The following SEMA6B variants were observed in gnomAD, a reference collection of about 807,000 sequenced individuals.
The protein encoded by SEMA6B is semaphorin-6B.
A neutral mutation model predicts 78.6 loss-of-function variants in SEMA6B; 47 were observed. That is an observed-to-expected ratio of 0.60 (90% CI 0.47 to 0.76). The LOEUF is 0.76. Ranked by LOEUF, SEMA6B falls within the 30% of genes least tolerant of loss-of-function variation. The pLI is 0.00. For missense variants in SEMA6B, 1,213 were observed against 1,269.9 expected (o/e 0.96, Z 0.68); for synonymous variants, 632 against 592.2 (o/e 1.07, Z -0.98).
rs143421488 is a variant in SEMA6B, at chr19:4,548,388, G to C, written c.1329C>G (p.Thr443=). 30 of 1,613,620 alleles carry C rather than the reference G, an allele frequency of 1.9e-5. No individual in the cohort carries two copies. The highest frequency in any genetic ancestry group is 2.3e-5 in the Non-Finnish European group (27 of 1,180,018). Residue 443 remains threonine (T), a synonymous_variant, in exon 13 of 17, where the codon ACC becomes ACG. Transcript: ENST00000586582. Reference sequence around the variant, plus strand: ...CCGCCTCAGAACCCAGGAAGACAACGGTCTGGTTGCCCCAGGGGCCGGCTC... The same window carrying C: ...CCGCCTCAGAACCCAGGAAGACAACCGTCTGGTTGCCCCAGGGGCCGGCTC... ...DVGAGPWGNQ[T]VVFLGSEAGT...
intron 1 of SEMA6B, among the ~76,000 whole-genome samples, 199 bp downstream of exon 1, chr19:4,559,331 G>A (rs963233668): frequency 2.0e-5 from 3 of 151,950 alleles, no homozygotes; most frequent in African/African-American, 4.8e-5. Flanking sequence ...TTCATTCTCC[G>A]CTTGCACACC....
At chr19:4,545,134 G>C (rs972853753) in intron 16 of SEMA6B, among the ~76,000 whole-genome samples, 1 of 151,692 alleles carries the variant, frequency 6.6e-6, no homozygotes, top group African/African-American at 2.4e-5. Flanking sequence ...CCTGAGGTCA[G>C]AAGTTTGAGA....
intron 9 of SEMA6B, 119 bp downstream of exon 9, chr19:4,554,269 G>T: frequency 1.3e-6 from 1 of 776,278 alleles, no homozygotes; most frequent in South Asian, 1.6e-5. Flanking sequence ...AGGCCCTGGG[G>T]ACCAGAAATG....
rs1434626999 is a variant in SEMA6B, at chr19:4,547,495, G to A, written c.1601+532C>T. Among the ~76,000 whole-genome samples the A allele has an allele frequency of 3.3e-5, 5 of 152,316 alleles. No individual in the cohort carries two copies. In the South Asian group the frequency reaches 8.3e-4, roughly 25 times the overall value. ...CGGCGGGCAGGAAGCAGGGTCCTCC[G>A]CATTGACGGCTCACATGGAGTGCAG... On this transcript the variant is annotated intron_variant, in intron 14 of 16. Transcript: ENST00000586582.
Position 4,555,969 on chromosome 19 carries a change from A to G in SEMA6B, c.471+19T>C. ...GGCCTGGAGGTTGGACCTGGGGCGC[A>G]GGGAGTCTGAAGACTCACGCTGTAG... On this transcript the variant is annotated intron_variant, in intron 6 of 16. Transcript: ENST00000586582. This position sits in a 1 kb window ranked among gnomAD's most constrained non-coding sequence, Gnocchi z 6.1. 4 of 1,592,086 alleles carry G rather than the reference A, an allele frequency of 2.5e-6. No homozygotes were observed. Among genetic ancestry groups the G allele is most frequent in the Non-Finnish European group, 3.4e-6 (4 of 1,160,144 alleles).
At chr19:4,556,822 G>T (rs1000105664) in intron 5 of SEMA6B, 129 bp downstream of exon 5, 2 of 803,922 alleles carry the variant, frequency 2.5e-6, no homozygotes, top group Non-Finnish European at 3.9e-6. Context: ...CGGGGCCAGG[G>T]CTGATTGGGG....
chr19:4,550,361 C>G lies in SEMA6B; in HGVS notation c.1122-89G>C. 7.1e-7 allele frequency: 1 copy of G among 1,418,154 alleles called. No individual in the cohort carries two copies. 87.8% of individuals were successfully genotyped at this position (1,418,154 alleles called of 1,614,324 possible). On this transcript the variant is annotated intron_variant, in intron 11 of 16. Transcript: ENST00000586582. The surrounding 1 kb of genome is among the most constrained non-coding windows in gnomAD (Gnocchi z 6.6). Reference sequence around the variant, plus strand: ...CAGAGGTACCCATTGCTTTGCCCAACGACCCTCAGGTTTTTTGTTTGTTTT... The same window carrying G: ...CAGAGGTACCCATTGCTTTGCCCAAGGACCCTCAGGTTTTTTGTTTGTTTT...
At chr19:4,546,940 A>T (rs900079123) in intron 14 of SEMA6B, among the ~76,000 whole-genome samples, 12 of 142,474 alleles carry the variant, frequency 8.4e-5, no homozygotes, top group African/African-American at 1.8e-4. Context: ...AATTAAAAAA[A>T]TTTTTTTAAA....
chr19:4,544,375 G>A lies in SEMA6B; in HGVS notation c.1893C>T (p.Ala631=). The change falls in exon 17 of 17, where the codon GCC becomes GCT. Residue 631 remains alanine, a synonymous_variant. Coordinates refer to ENST00000586582, the MANE Select transcript of SEMA6B (RefSeq NM_032108.4). The surrounding 1 kb of genome is among the most constrained non-coding windows in gnomAD (Gnocchi z 5.1). The part of the protein sequence containing the change: ...FVGLRERREL[A]RRKDKEAILA... Reference sequence around the variant, plus strand: ...GGATGGCCTCCTTGTCCTTGCGCCGGGCCAGCTCCCGCCGCTCACGGAGGC... The same window carrying A: ...GGATGGCCTCCTTGTCCTTGCGCCGAGCCAGCTCCCGCCGCTCACGGAGGC... 2 of 1,588,612 alleles carry A rather than the reference G, an allele frequency of 1.3e-6. No homozygotes were observed. Among genetic ancestry groups the A allele is most frequent in the Non-Finnish European group, 1.7e-6 (2 of 1,170,214 alleles).
chr19:4,558,164 G>A lies in SEMA6B; in HGVS notation c.122-15C>T. ...GTGGTTCAGGTCTGAGTGAGGGGGT[G>A]GAGAGGGGTGTGAGCAAGGGCTGGG... On this transcript the variant is annotated splice_polypyrimidine_tract_variant and intron_variant, in intron 2 of 16. Coordinates refer to ENST00000586582, the MANE Select transcript of SEMA6B (RefSeq NM_032108.4). This position sits in a 1 kb window ranked among gnomAD's most constrained non-coding sequence, Gnocchi z 5.1. The A allele has an allele frequency of 7.0e-7, 1 of 1,437,360 alleles. No homozygotes were observed. 89.0% of individuals were successfully genotyped at this position (1,437,360 alleles called of 1,614,324 possible). A position where few individuals can be genotyped will look rare whatever the true frequency, so the allele number is the denominator to read the frequency against.
rs1467516263 is a variant in SEMA6B, at chr19:4,550,591, C to T, written c.1121+208G>A. ...GTTGGTCGGGCTGGTCTCAAACCCT[C>T]GACCTCAGGTGATCTGCCCACCTCC... On this transcript the variant is annotated intron_variant, in intron 11 of 16. Coordinates refer to ENST00000586582, the MANE Select transcript of SEMA6B (RefSeq NM_032108.4). This position sits in a 1 kb window ranked among gnomAD's most constrained non-coding sequence, Gnocchi z 6.6. Among the ~76,000 whole-genome samples, 1 of 152,080 alleles carries T rather than the reference C, an allele frequency of 6.6e-6. No individual in the cohort carries two copies. The highest frequency in any genetic ancestry group is 1.5e-5 in the Non-Finnish European group (1 of 67,996).
At chr19:4,551,604 G>T (rs1360035024) in intron 10 of SEMA6B, among the ~76,000 whole-genome samples, 1 of 151,652 alleles carries the variant, frequency 6.6e-6, no homozygotes, top group Admixed American at 6.6e-5. Context: ...GGCTGAGGCG[G>T]GTGGATCACG....
At position 4,558,654 on chromosome 19, in the gene SEMA6B, A is replaced by G. The variant is rs1225813460; in HGVS notation, c.-32-165T>C. Among the ~76,000 whole-genome samples the G allele has an allele frequency of 6.6e-6, 1 of 152,228 alleles. No homozygotes were observed. Among genetic ancestry groups the G allele is most frequent in the Admixed American group, 6.5e-5 (1 of 15,290 alleles). On this transcript the variant is annotated intron_variant, in intron 1 of 16. Transcript: ENST00000586582. This position sits in a 1 kb window ranked among gnomAD's most constrained non-coding sequence, Gnocchi z 5.1. ...ATAATAATAATAATACACAGCACTG[A>G]TTTAATTATCAGAACAACTTTATGG...
chr19:4,558,277 C>A lies in SEMA6B; in HGVS notation c.121+60G>T. The A allele has an allele frequency of 7.6e-7, 1 of 1,308,842 alleles. No homozygotes were observed. Among genetic ancestry groups the A allele is most frequent in the Middle Eastern group, 2.1e-4 (1 of 4,874 alleles). The allele number at this position is 1,308,842 out of a possible 1,614,324, so 81.1% of individuals were successfully genotyped here. On this transcript the variant is annotated intron_variant, in intron 2 of 16. Coordinates refer to ENST00000586582, the MANE Select transcript of SEMA6B (RefSeq NM_032108.4). The surrounding 1 kb of genome is among the most constrained non-coding windows in gnomAD (Gnocchi z 5.1). ...CCCCCAGTGGGGGCAGCAGACCCAACTGGGAACCCAGATACTCCCACGGGA... is the reference window on the plus strand; with the variant it reads ...CCCCCAGTGGGGGCAGCAGACCCAAATGGGAACCCAGATACTCCCACGGGA...
intron 14 of SEMA6B, among the ~76,000 whole-genome samples, chr19:4,546,961 A>AC (rs1977184791): frequency 6.7e-6 from 1 of 148,304 alleles, no homozygotes; most frequent in African/African-American, 2.5e-5. Flanking sequence ...TTAAAATTTA[A>AC]TTTTTTTTTT....
rs1977092231 is a variant in SEMA6B, at chr19:4,543,955, G to C, written c.2313C>G (p.Asp771Glu). ...CGGGCCGGGCAGCATAGAGGCGGCC[G>C]TCGGGGGTCGGCTCCCCAGGCGCGG... ...QPPAPGEPTP[D>E]GRLYAARPGR... Residue 771 changes from aspartate (D) to glutamate (E), a missense_variant, in exon 17 of 17, where the codon GAC becomes GAG. By Grantham distance (45) the Asp-to-Glu change is conservative. Coordinates refer to ENST00000586582, the MANE Select transcript of SEMA6B (RefSeq NM_032108.4). The C allele has an allele frequency of 3.3e-6, 4 of 1,201,904 alleles. No homozygotes were observed. Among genetic ancestry groups the C allele is most frequent in the Non-Finnish European group, 4.1e-6 (4 of 968,928 alleles). The allele number at this position is 1,201,904 out of a possible 1,614,324, so 74.5% of individuals were successfully genotyped here. A position where few individuals can be genotyped will look rare whatever the true frequency, so the allele number is the denominator to read the frequency against.
chr19:4,551,052 T>A (rs553333869), intron 10 of SEMA6B, 122 bp from the exon 11 acceptor site: 7 of 1,075,164 alleles, frequency 6.5e-6, no homozygotes, highest in African/African-American at 3.2e-5. Context: ...GCCAGAGATG[T>A]CCCCTGTCCC....
At chr19:4,547,228 C>T (rs945519342) in intron 14 of SEMA6B, among the ~76,000 whole-genome samples, 1 of 152,112 alleles carries the variant, frequency 6.6e-6, no homozygotes, top group Non-Finnish European at 1.5e-5. Context: ...GCCTTGGCCT[C>T]CCAAGTGCTG....
At chr19:4,548,672 C>T (rs1322583707) in intron 12 of SEMA6B, among the ~76,000 whole-genome samples, 2 of 152,238 alleles carry the variant, frequency 1.3e-5, no homozygotes, top group African/African-American at 4.8e-5. Flanking sequence ...CTCCTCAGCC[C>T]TGTCTCTTTG....
Sources: gnomAD v4.1 joint callset for allele counts (sites outside exome capture counted in the v4.1 genomes callset) on GRCh38, gnomAD v4.1.1 for gene constraint, Gnocchi (gnomAD v3.1) non-coding constraint, MANE v1.5 for transcripts, NCBI Gene and HGNC (gene_info 2026-07-23, HGNC 2026-07-21) for gene names.